SIPA1L3: variants seen among roughly 807,000 people sequenced by gnomAD.
SIPA1L3 encodes signal-induced proliferation-associated 1-like protein 3.
SIPA1L3 carries 59 observed loss-of-function variants against 150.1 expected under a neutral mutation model. The ratio of observed to expected loss-of-function variants is 0.39; its 90% CI spans 0.32 to 0.49. The LOEUF (loss-of-function observed/expected upper bound fraction) is 0.49. Ranked by LOEUF, SIPA1L3 falls within the 20% of genes least tolerant of loss-of-function variation. The pLI, the probability that SIPA1L3 is intolerant of heterozygous loss-of-function variation, is 0.86. For missense variants in SIPA1L3, 2,211 were observed against 2,489.5 expected, an observed-to-expected ratio of 0.89 and a Z score of 2.38; for synonymous variants, 1,070 against 1,077.6, an observed-to-expected ratio of 0.99 and a Z score of 0.14.
intron 14 of SIPA1L3, among the ~76,000 whole-genome samples, 190 bp downstream of exon 14, chr19:38,162,561 G>C: frequency 6.6e-6 from 1 of 152,188 alleles, no homozygotes; most frequent in South Asian, 2.1e-4. Context: ...AGGTCATCTA[G>C]GGCAAATCCC....
intron 18 of SIPA1L3, among the ~76,000 whole-genome samples, chr19:38,194,951 T>C (rs1432909882): frequency 2.0e-5 from 3 of 152,002 alleles, no homozygotes; most frequent in Non-Finnish European, 2.9e-5. Context: ...CTCAGGAGGC[T>C]GAGGCAGGAG....
At chr19:37,950,177 T>G (rs914211394) in intron 1 of SIPA1L3, among the ~76,000 whole-genome samples, 1 of 151,950 alleles carries the variant, frequency 6.6e-6, no homozygotes, top group Non-Finnish European at 1.5e-5. Context: ...ACCTCACTCT[T>G]GGGGCTGCAG....
chr19:38,125,633 C>T (rs113648887), intron 9 of SIPA1L3, among the ~76,000 whole-genome samples: 11 of 152,146 alleles, frequency 7.2e-5, no homozygotes, highest in African/African-American at 2.4e-4. Flanking sequence ...GGGGCAGGCC[C>T]GTTTTGAATG....
At chr19:37,950,558 A>C (rs1387222772) in intron 1 of SIPA1L3, among the ~76,000 whole-genome samples, 1 of 152,216 alleles carries the variant, frequency 6.6e-6, no homozygotes, top group Non-Finnish European at 1.5e-5. Flanking sequence ...AGAGATCCCA[A>C]GTTCCCTGCT....
At chr19:37,930,135 C>T (rs896096889) in intron 1 of SIPA1L3, among the ~76,000 whole-genome samples, 1 of 151,880 alleles carries the variant, frequency 6.6e-6, no homozygotes, top group African/African-American at 2.4e-5. Context: ...AGCGATTCTC[C>T]TGCCTCAGCC....
intron 1 of SIPA1L3, among the ~76,000 whole-genome samples, chr19:38,015,675 G>C (rs1185300009): frequency 2.8e-5 from 4 of 141,526 alleles, no homozygotes; most frequent in African/African-American, 1.0e-4. Flanking sequence ...AGTGAGCTGT[G>C]ATCAGGTCAC....
chr19:38,076,304 C>A (rs910941747), intron 2 of SIPA1L3, among the ~76,000 whole-genome samples: 1 of 152,008 alleles, frequency 6.6e-6, no homozygotes, highest in Non-Finnish European at 1.5e-5. Context: ...TAAAATTTAT[C>A]AAAACTTACA....
chr19:38,075,844 T>A (rs1337826878), intron 2 of SIPA1L3, among the ~76,000 whole-genome samples: 5 of 151,172 alleles, frequency 3.3e-5, no homozygotes, highest in African/African-American at 9.7e-5. Context: ...AAATATTTTT[T>A]AAAAAATAAA....
intron 9 of SIPA1L3, among the ~76,000 whole-genome samples, chr19:38,126,292 A>G (rs1971171052): frequency 6.6e-6 from 1 of 152,158 alleles, no homozygotes; most frequent in Non-Finnish European, 1.5e-5. Context: ...AGATGGTGCT[A>G]AATCAGACAA....
intron 1 of SIPA1L3, among the ~76,000 whole-genome samples, chr19:37,918,319 G>A (rs916134351): frequency 6.6e-6 from 1 of 151,714 alleles, no homozygotes; most frequent in Non-Finnish European, 1.5e-5. Context: ...GAGTGCAGTG[G>A]CGCGATCTTG....
Position 38,141,256 on chromosome 19 carries a change from C to T in SIPA1L3, c.3216C>T (p.Gly1072=). 6.2e-7 allele frequency: 1 copy of T among 1,613,654 alleles called. No individual in the cohort carries two copies. The highest frequency in any genetic ancestry group is 8.5e-7 in the Non-Finnish European group (1 of 1,179,810). The change falls in exon 11 of 22, where the codon GGC becomes GGT. Residue 1072 remains glycine (G), a synonymous_variant. Transcript: ENST00000222345. The part of the protein sequence containing the change: ...KTEQESITPG[G]RPPYRSNAPW... ...AGCAGGAAAGCATCACTCCTGGGGG[C>T]CGGCCCCCCTACCGCAGCAATGCTC... is the stretch of plus-strand genomic sequence containing the variant.
At chr19:38,189,033 G>A (rs182665890) in intron 16 of SIPA1L3, among the ~76,000 whole-genome samples, 11 of 151,984 alleles carry the variant, frequency 7.2e-5, no homozygotes, top group Admixed American at 1.3e-4. Context: ...TGTTCCAAAC[G>A]TGACTGCACA....
intron 6 of SIPA1L3, chr19:38,106,326 C>T (rs1299532358): frequency 4.2e-5 from 19 of 451,044 alleles, no homozygotes; most frequent in South Asian, 3.2e-4. Flanking sequence ...AGGCTGGTCT[C>T]GAACTCCTGA....
chr19:38,045,801 C>T (rs976684649), intron 2 of SIPA1L3, among the ~76,000 whole-genome samples: 1 of 151,832 alleles, frequency 6.6e-6, no homozygotes, highest in African/African-American at 2.4e-5. Context: ...TCCAAGGTGT[C>T]GCAGGTGGGG....
intron 2 of SIPA1L3, among the ~76,000 whole-genome samples, chr19:38,055,724 A>C (rs1283017187): frequency 6.6e-6 from 1 of 152,232 alleles, no homozygotes; most frequent in African/African-American, 2.4e-5. Context: ...GGATTCTCCC[A>C]CTGCGGGCCT....
At chr19:38,171,423 G>A (rs941769087) in intron 15 of SIPA1L3, among the ~76,000 whole-genome samples, 7 of 119,612 alleles carry the variant, frequency 5.9e-5, no homozygotes, top group East Asian at 4.6e-4. Context: ...ATGGAGTTTC[G>A]CTCTTGTTGC....
At chr19:38,101,341 A>C (rs1035489229) in intron 6 of SIPA1L3, 115 bp downstream of exon 6, 3 of 676,906 alleles carry the variant, frequency 4.4e-6, no homozygotes, top group African/African-American at 1.8e-5. Context: ...GGGAGCTCTC[A>C]GACTTCACTT....
chr19:38,087,545 T>G (rs1970161471), intron 3 of SIPA1L3, among the ~76,000 whole-genome samples: 1 of 152,182 alleles, frequency 6.6e-6, no homozygotes, highest in Admixed American at 6.5e-5. Context: ...GACAGACCGC[T>G]GGCGGATACC....
chr19:38,104,922 A>G (rs1442122758), intron 6 of SIPA1L3, among the ~76,000 whole-genome samples: 1 of 152,062 alleles, frequency 6.6e-6, no homozygotes, highest in Non-Finnish European at 1.5e-5. Context: ...TCCTGGAATG[A>G]GTTTCCCCAA....
Sources: allele counts gnomAD v4.1 joint callset (sites outside exome capture counted in the v4.1 genomes callset), GRCh38; gene constraint gnomAD v4.1.1; transcripts MANE v1.5; gene names NCBI Gene and HGNC (gene_info 2026-07-23, HGNC 2026-07-21).